The following CSMD3 variants were observed in gnomAD, a reference collection of about 807,000 sequenced individuals.
CSMD3 encodes the protein CUB and Sushi multiple domains 3.
Under a neutral mutation model 435.2 loss-of-function variants are expected in CSMD3, and 177 were observed. The ratio of observed to expected loss-of-function variants is 0.41; its 90% CI spans 0.36 to 0.46. The LOEUF (loss-of-function observed/expected upper bound fraction) is 0.46. CSMD3 is among the 20% of genes least tolerant of loss of function. CSMD3 has a pLI of 0.34. For missense variants in CSMD3, 4,265 were observed against 4,504.6 expected, an observed-to-expected ratio of 0.95 and a Z score of 1.52; for synonymous variants, 1,656 against 1,520.5, an observed-to-expected ratio of 1.09 and a Z score of -2.07.
intron 12 of CSMD3, among the ~76,000 whole-genome samples, chr8:112,820,142 T>C (rs560534051): frequency 2.0e-5 from 3 of 152,166 alleles, no homozygotes; most frequent in Admixed American, 6.5e-5. Context: ...CCCTCCAATA[T>C]AGAAGGAAAG....
rs531505918 is a variant in CSMD3 at position 112,331,124 on chromosome 8, T to C, written c.7165+4205A>G. Among the ~76,000 whole-genome samples, 4 of 152,198 alleles carry C rather than the reference T, an allele frequency of 2.6e-5. No individual in the cohort carries two copies. In the East Asian group the frequency reaches 5.8e-4, roughly 22 times the overall value. ...CTCAGCATATTAAATTTTCAATAAATGGTTGTTACCACTAATATAGTGATG... is the reference window on the plus strand; with the variant it reads ...CTCAGCATATTAAATTTTCAATAAACGGTTGTTACCACTAATATAGTGATG... On this transcript the variant is annotated intron_variant, in intron 45 of 70. Coordinates refer to ENST00000297405, the MANE Select transcript of CSMD3 (RefSeq NM_198123.2).
At chr8:112,359,589 T>C (rs981069300) in intron 38 of CSMD3, among the ~76,000 whole-genome samples, 4 of 152,078 alleles carry the variant, frequency 2.6e-5, no homozygotes, top group Non-Finnish European at 5.9e-5. Context: ...AATAACACAA[T>C]GGTTAGAGTA....
At chr8:113,414,967 A>C (rs1347327597) in intron 1 of CSMD3, among the ~76,000 whole-genome samples, 1 of 152,180 alleles carries the variant, frequency 6.6e-6, no homozygotes, top group Non-Finnish European at 1.5e-5. Flanking sequence ...ATGTAAAAAA[A>C]CAAAAAACGA....
At chr8:113,317,090 G>C (rs757497613) in intron 1 of CSMD3, among the ~76,000 whole-genome samples, 12 of 152,034 alleles carry the variant, frequency 7.9e-5, no homozygotes, top group Non-Finnish European at 1.3e-4. Context: ...GTTGGATCAG[G>C]TAGAAGAGGT....
intron 39 of CSMD3, 151 bp from the exon 40 acceptor site, chr8:112,351,395 A>T (rs1826124018): frequency 3.3e-6 from 2 of 599,192 alleles, no homozygotes; most frequent in Admixed American, 5.3e-5. Flanking sequence ...AGCATGATTA[A>T]AGTAAGAAAG....
At chr8:113,169,171 C>T (rs192724459) in intron 4 of CSMD3, among the ~76,000 whole-genome samples, 15 of 152,210 alleles carry the variant, frequency 9.9e-5, no homozygotes, top group Admixed American at 9.2e-4. Context: ...AATCAAGCTG[C>T]TGTTCTTATT....
At chr8:113,396,478 A>T (rs991376864) in intron 1 of CSMD3, among the ~76,000 whole-genome samples, 1 of 152,082 alleles carries the variant, frequency 6.6e-6, no homozygotes, top group Non-Finnish European at 1.5e-5. Context: ...TTTGACTTCC[A>T]CTCTAGTATA....
At chr8:112,746,875 C>G (rs2077438715) in intron 13 of CSMD3, among the ~76,000 whole-genome samples, 1 of 152,084 alleles carries the variant, frequency 6.6e-6, no homozygotes, top group Non-Finnish European at 1.5e-5. Context: ...CACTAGCTAC[C>G]TCTTCATGTT....
chr8:112,419,393 G>A (rs528657202), intron 32 of CSMD3, among the ~76,000 whole-genome samples: 1 of 152,210 alleles, frequency 6.6e-6, no homozygotes, highest in African/African-American at 2.4e-5. Context: ...ATCTTAATAT[G>A]TATTGCTATT....
intron 3 of CSMD3, among the ~76,000 whole-genome samples, chr8:113,260,919 G>T (rs573939725): frequency 6.6e-6 from 1 of 152,202 alleles, no homozygotes; most frequent in East Asian, 1.9e-4. Context: ...CTTTTTTATG[G>T]TTGCATAGTA....
At position 112,587,128 on chromosome 8, in the gene CSMD3, C is replaced by T. The variant is rs1830795573; in HGVS notation, c.3823G>A (p.Ala1275Thr). ...GCTGAAATATTGATTCCCTTTCCTG[C>T]TTGAACCTGAATACTATAAATGCAT... The part of the protein sequence containing the change: ...HECIYSIQVQ[A>T]GKGINISART... Residue 1275 changes from alanine (A) to threonine (T), a missense_variant, in exon 23 of 71, where the codon GCA becomes ACA. Ala to Thr is a moderately conservative substitution (Grantham distance 58, BLOSUM62 0). Transcript: ENST00000297405. 1 of 1,610,882 alleles carries T rather than the reference C, an allele frequency of 6.2e-7. No individual in the cohort carries two copies. The highest frequency in any genetic ancestry group is 1.3e-5 in the African/African-American group (1 of 74,740).
chr8:113,403,674 T>C (rs896289112), intron 1 of CSMD3, among the ~76,000 whole-genome samples: 1 of 151,448 alleles, frequency 6.6e-6, no homozygotes, highest in Non-Finnish European at 1.5e-5. Context: ...GTAACAGCTG[T>C]TTTAAATCCA....
At chr8:113,171,856 AAT>A (rs1224127560) in intron 4 of CSMD3, among the ~76,000 whole-genome samples, 2 of 152,096 alleles carry the variant, frequency 1.3e-5, no homozygotes, top group African/African-American at 4.8e-5. Context: ...AGCCAAGGAG[AAT>A]ATAGTGTTTT....
chr8:112,532,052 C>T (rs1352759235), intron 27 of CSMD3, among the ~76,000 whole-genome samples: 5 of 150,756 alleles, frequency 3.3e-5, no homozygotes, highest in Admixed American at 3.3e-4. Context: ...CAAACAGAAA[C>T]CTAGAGATGA....
At chr8:113,411,874 C>T (rs1022339634) in intron 1 of CSMD3, among the ~76,000 whole-genome samples, 3 of 151,948 alleles carry the variant, frequency 2.0e-5, no homozygotes, top group African/African-American at 7.2e-5. Flanking sequence ...AAAAAAATTC[C>T]AACAACTGCA....
At chr8:113,332,854 T>C (rs2094038751) in intron 1 of CSMD3, among the ~76,000 whole-genome samples, 1 of 151,750 alleles carries the variant, frequency 6.6e-6, no homozygotes, top group African/African-American at 2.4e-5. Context: ...AATTAGATGA[T>C]ACCTACTTCC....
At chr8:112,637,676 A>G (rs1422186364) in intron 21 of CSMD3, among the ~76,000 whole-genome samples, 2 of 152,142 alleles carry the variant, frequency 1.3e-5, no homozygotes, top group Admixed American at 1.3e-4. Flanking sequence ...AGTCCTAAGA[A>G]GAAGTAGCTT....
intron 22 of CSMD3, among the ~76,000 whole-genome samples, chr8:112,626,171 T>G (rs2131537974): frequency 6.6e-6 from 1 of 152,180 alleles, no homozygotes; most frequent in Admixed American, 6.6e-5. Context: ...ATACCGATAA[T>G]ATTTTCGTTA....
chr8:112,584,296 AT>A (rs1474369012), intron 23 of CSMD3, among the ~76,000 whole-genome samples: 1 of 151,834 alleles, frequency 6.6e-6, no homozygotes, highest in Non-Finnish European at 1.5e-5. Flanking sequence ...GAGGAACTGA[AT>A]CAGAAAACCT....
Sources: allele counts gnomAD v4.1 joint callset (sites outside exome capture counted in the v4.1 genomes callset), GRCh38; gene constraint gnomAD v4.1.1; transcripts MANE v1.5; gene names NCBI Gene and HGNC (gene_info 2026-07-23, HGNC 2026-07-21).